The following ANKH variants were observed in gnomAD, a reference collection of about 807,000 sequenced individuals.
ANKH encodes mineralization regulator ANKH.
Under a neutral mutation model 49.0 loss-of-function variants are expected in ANKH, and 15 were observed. The ratio of observed to expected loss-of-function variants is 0.31; its 90% CI spans 0.20 to 0.47. The LOEUF is 0.47. Among genes scored for constraint, ANKH ranks in the 20% least tolerant of loss-of-function variants. ANKH has a pLI of 1.00. For synonymous variants in ANKH, 273 were observed against 260.0 expected, an observed-to-expected ratio of 1.05 and a Z score of -0.48; for missense variants, 429 against 652.0, an observed-to-expected ratio of 0.66 and a Z score of 3.72.
At position 14,771,452 on chromosome 5, in the gene ANKH, C is replaced by T. The variant is rs543159479; in HGVS notation, c.97-2261G>A. 9.1e-4 allele frequency among the ~76,000 whole-genome samples: 138 copies of T among 152,138 alleles called. 1 individual carries two copies. The highest frequency in any genetic ancestry group is 1.2e-3 in the Non-Finnish European group (81 of 68,022). ...TACAAATGGTAGCAGCTCTCCTGTC[C>T]GGCCTGCCACCGCTGGACTTCCCTG... On this transcript the variant is annotated intron_variant, in intron 1 of 11. Transcript: ENST00000284268.
intron 1 of ANKH, among the ~76,000 whole-genome samples, chr5:14,781,309 T>C (rs951671378): frequency 1.3e-5 from 2 of 152,216 alleles, no homozygotes; most frequent in Non-Finnish European, 2.9e-5. Flanking sequence ...AAACGGAACC[T>C]GGTCCCTTCA....
intron 1 of ANKH, among the ~76,000 whole-genome samples, chr5:14,816,192 A>T (rs1741031411): frequency 1.3e-5 from 2 of 152,174 alleles, no homozygotes; most frequent in African/African-American, 4.8e-5. Context: ...TGATCTAAAG[A>T]GGTTGAAGGG....
intron 8 of ANKH, 84 bp from the exon 9 acceptor site, chr5:14,716,919 G>T: frequency 6.4e-7 from 1 of 1,561,688 alleles, no homozygotes; most frequent in East Asian, 2.3e-5. Context: ...ACAATCCTTG[G>T]AGAGTTACGA....
chr5:14,870,073 G>A (rs1735771349), intron 1 of ANKH: 1 of 152,182 alleles, frequency 6.6e-6, no homozygotes, highest in Non-Finnish European at 1.5e-5. Flanking sequence ...GGGTACCCTT[G>A]TGAGGCACTG....
intron 2 of ANKH, among the ~76,000 whole-genome samples, chr5:14,761,776 T>G (rs62353554): frequency 7.8e-6 from 1 of 127,700 alleles, no homozygotes; most frequent in Non-Finnish European, 1.7e-5. Flanking sequence ...TTTTTTTTTT[T>G]CCTTTGAGAC....
intron 11 of ANKH, among the ~76,000 whole-genome samples, chr5:14,712,238 G>C (rs1165329962): frequency 6.6e-6 from 1 of 152,234 alleles, no homozygotes; most frequent in African/African-American, 2.4e-5. Context: ...CAGGCTCTCT[G>C]AGTGGCCTGG....
chr5:14,797,132 T>A, intron 1 of ANKH: 1 of 1,351,306 alleles, frequency 7.4e-7, no homozygotes, highest in Non-Finnish European at 1.0e-6. Context: ...TTTAGGACCC[T>A]TGTCCTTCTG....
chr5:14,731,848 G>A lies in ANKH; in HGVS notation c.1011+9979C>T, dbSNP rs10058648. Among the ~76,000 whole-genome samples, 1,431 of 152,332 alleles carry A rather than the reference G, an allele frequency of 9.4e-3. 9 individuals are homozygous for A. The highest frequency in any genetic ancestry group is 0.012 in the African/African-American group (499 of 41,574). ...ACGTGTTCTGCTCCACTGCCTAGGC[G>A]TTTGATGATTTCAGCAATGCATACG... On this transcript the variant is annotated intron_variant, in intron 8 of 11. Transcript: ENST00000284268.
intron 1 of ANKH, among the ~76,000 whole-genome samples, chr5:14,793,023 T>TATATATATATAAATATATATATATAA (rs1554006436): frequency 6.0e-5 from 4 of 66,584 alleles, no homozygotes; most frequent in Non-Finnish European, 8.5e-5. Flanking sequence ...TATATATAAA[T>TATATATATATAAATATATATATATAA]ATATATATAT....
At chr5:14,826,733 C>T (rs1741353705) in intron 1 of ANKH, among the ~76,000 whole-genome samples, 1 of 152,176 alleles carries the variant, frequency 6.6e-6, no homozygotes, top group Admixed American at 6.5e-5. Context: ...AGCAGATTTT[C>T]ATATTAATTC....
At chr5:14,832,854 C>T (rs1315285928) in intron 1 of ANKH, among the ~76,000 whole-genome samples, 1 of 152,100 alleles carries the variant, frequency 6.6e-6, no homozygotes, top group Non-Finnish European at 1.5e-5. Flanking sequence ...ATATGGCTAT[C>T]GAGATACTGA....
intron 9 of ANKH, among the ~76,000 whole-genome samples, chr5:14,715,589 A>C (rs1181346965): frequency 6.6e-6 from 1 of 152,262 alleles, no homozygotes; most frequent in Admixed American, 6.5e-5. Flanking sequence ...TCTTCTTCCC[A>C]GTGGTGACTT....
chr5:14,840,442 A>T (rs1741784602), intron 1 of ANKH, among the ~76,000 whole-genome samples: 2 of 152,274 alleles, frequency 1.3e-5, no homozygotes, highest in African/African-American at 4.8e-5. Context: ...ATGGAAAAAT[A>T]AAAAAACACA....
intron 1 of ANKH, among the ~76,000 whole-genome samples, chr5:14,783,652 G>A (rs1739883733): frequency 6.6e-6 from 1 of 152,124 alleles, no homozygotes; most frequent in Non-Finnish European, 1.5e-5. Context: ...AGAATTATAT[G>A]TCCTGAATTT....
intron 8 of ANKH, among the ~76,000 whole-genome samples, chr5:14,721,815 A>C (rs1737673886): frequency 6.6e-6 from 1 of 151,054 alleles, no homozygotes; most frequent in South Asian, 2.1e-4. Flanking sequence ...CTGTAGTCCC[A>C]GCTACTCGTG....
At chr5:14,859,999 G>A (rs774532243) in intron 1 of ANKH, among the ~76,000 whole-genome samples, 7 of 152,194 alleles carry the variant, frequency 4.6e-5, no homozygotes, top group Non-Finnish European at 7.4e-5. Context: ...GGAGAGGCTG[G>A]GAAACATGTG....
At position 14,751,253 on chromosome 5, in the gene ANKH, G is replaced by T; in HGVS notation, c.517-14C>A. 1 of 1,613,704 alleles carries T rather than the reference G, an allele frequency of 6.2e-7. No homozygotes were observed. The highest frequency in any genetic ancestry group is 1.1e-5 in the South Asian group (1 of 91,022). ...TACAAAAACAACCTGAGAGAAGGGA[G>T]AACGGGAACAGGTCAGAGGGGAGAA... is the stretch of plus-strand genomic sequence containing the variant. On this transcript the variant is annotated splice_polypyrimidine_tract_variant and intron_variant, in intron 4 of 11. Transcript: ENST00000284268.
intron 1 of ANKH, among the ~76,000 whole-genome samples, chr5:14,859,301 T>C (rs1294473826): frequency 6.6e-6 from 1 of 152,232 alleles, no homozygotes; most frequent in Non-Finnish European, 1.5e-5. Context: ...TTATTTTACT[T>C]AGCATAATGT....
At chr5:14,798,264 G>C in intron 1 of ANKH, 7 of 1,604,614 alleles carry the variant, frequency 4.4e-6, no homozygotes, top group Non-Finnish European at 6.0e-6. Context: ...CCACTGGGCA[G>C]TTAGGCTGGG....
Sources: allele counts gnomAD v4.1 joint callset (sites outside exome capture counted in the v4.1 genomes callset), GRCh38; gene constraint gnomAD v4.1.1; transcripts MANE v1.5; gene names NCBI Gene and HGNC (gene_info 2026-07-23, HGNC 2026-07-21).